Variants in RPTOR observed in about 807,000 individuals in gnomAD.
RPTOR encodes the protein regulatory-associated protein of mTOR.
Under a neutral mutation model 169.9 loss-of-function variants are expected in RPTOR, and 21 were observed. The ratio of observed to expected loss-of-function variants is 0.12; its 90% CI spans 0.09 to 0.18. The LOEUF (loss-of-function observed/expected upper bound fraction) is 0.18. Ranked by LOEUF, RPTOR falls within the 10% of genes least tolerant of loss-of-function variation. The probability of loss-of-function intolerance (pLI) is 1.00; values close to 1 mark genes in which losing one functional copy is unlikely to be tolerated. For missense variants in RPTOR, 1,133 were observed against 1,855.9 expected (o/e 0.61, Z 7.16); for synonymous variants, 732 against 753.2 (o/e 0.97, Z 0.46).
Position 80,960,895 on chromosome 17 carries a change from C to T in RPTOR, c.3606-499C>T, listed in dbSNP as rs1598427488. 6.0e-6 allele frequency: 1 copy of T among 166,398 alleles called. No individual in the cohort carries two copies. The allele number at this position is 166,398 out of a possible 1,614,324, so 10.3% of individuals were successfully genotyped here. On this transcript the variant is annotated intron_variant, in intron 30 of 33. Transcript: ENST00000306801. The surrounding 1 kb of genome is among the most constrained non-coding windows in gnomAD (Gnocchi z 4.8). Reference sequence around the variant, plus strand: ...AGGGGACAGTCCGTCTTGGCCCACACGGCTCATGCAGCAGAAGTAAATTTC... The same window carrying T: ...AGGGGACAGTCCGTCTTGGCCCACATGGCTCATGCAGCAGAAGTAAATTTC...
intron 4 of RPTOR, among the ~76,000 whole-genome samples, chr17:80,722,829 C>T (rs918894888): frequency 3.3e-5 from 5 of 151,252 alleles, no homozygotes; most frequent in African/African-American, 1.2e-4. Context: ...CACACACAGC[C>T]TCCTTGGTGC....
intron 4 of RPTOR, among the ~76,000 whole-genome samples, chr17:80,720,921 G>C (rs2143157894): frequency 6.6e-6 from 1 of 151,286 alleles, no homozygotes; most frequent in East Asian, 1.9e-4. Context: ...TGAGAGGCAA[G>C]CAGGATATTC....
chr17:80,642,926 T>C (rs1053660824), intron 2 of RPTOR, among the ~76,000 whole-genome samples: 3 of 152,244 alleles, frequency 2.0e-5, no homozygotes, highest in African/African-American at 7.2e-5. Context: ...TTCGCAAAAA[T>C]ATGCAAAAAT....
intron 7 of RPTOR, chr17:80,805,119 G>T (rs568167364): frequency 6.7e-6 from 1 of 149,310 alleles, no homozygotes; most frequent in Non-Finnish European, 1.5e-5. Flanking sequence ...AGGCTAGGAA[G>T]TGACTCTGGG....
chr17:80,731,616 G>A (rs1567880282), intron 5 of RPTOR, among the ~76,000 whole-genome samples: 1 of 152,188 alleles, frequency 6.6e-6, no homozygotes, highest in Non-Finnish European at 1.5e-5. Flanking sequence ...CGATTAAGAG[G>A]CCTCCATCTT....
At chr17:80,640,862 C>G (rs1271456417) in intron 2 of RPTOR, among the ~76,000 whole-genome samples, 1 of 152,178 alleles carries the variant, frequency 6.6e-6, no homozygotes, top group African/African-American at 2.4e-5. Flanking sequence ...CACCGCTGAC[C>G]GTCGTGATGC....
At chr17:80,914,283 G>A (rs1257230749) in intron 21 of RPTOR, among the ~76,000 whole-genome samples, 1 of 152,200 alleles carries the variant, frequency 6.6e-6, no homozygotes, top group Non-Finnish European at 1.5e-5. Context: ...TGCTCCCCAG[G>A]TGCAGCTACA....
chr17:80,581,583 ACAT>A (rs2065014450), intron 1 of RPTOR, among the ~76,000 whole-genome samples: 3 of 142,268 alleles, frequency 2.1e-5, no homozygotes. Flanking sequence ...TGGAGACCGC[ACAT>A]CGGGCCAGTG....
intron 21 of RPTOR, among the ~76,000 whole-genome samples, chr17:80,918,547 C>T (rs1420616443): frequency 1.4e-5 from 1 of 72,950 alleles, no homozygotes; most frequent in African/African-American, 4.8e-5. Flanking sequence ...TGAGCACCCT[C>T]ACGGGGGTCA....
intron 3 of RPTOR, among the ~76,000 whole-genome samples, chr17:80,706,388 ACCTGTGCCCGTTTT>A (rs775100431): frequency 5.7e-4 from 86 of 152,012 alleles, no homozygotes; most frequent in Non-Finnish European, 1.0e-3. Flanking sequence ...CGCATGACCC[ACCTGTGCCCGTTTT>A]CCAGCATCCT....
At chr17:80,623,085 A>C (rs2065367253) in intron 1 of RPTOR, among the ~76,000 whole-genome samples, 1 of 152,202 alleles carries the variant, frequency 6.6e-6, no homozygotes, top group African/African-American at 2.4e-5. Flanking sequence ...CATTCTGAAC[A>C]ATGAAACATT....
chr17:80,763,769 G>T (rs750257321), intron 6 of RPTOR, among the ~76,000 whole-genome samples: 1 of 152,220 alleles, frequency 6.6e-6, no homozygotes, highest in Non-Finnish European at 1.5e-5. Context: ...CAGACCACAC[G>T]CAATGAAGCT....
intron 1 of RPTOR, among the ~76,000 whole-genome samples, chr17:80,585,528 C>T (rs956540612): frequency 4.6e-5 from 7 of 152,152 alleles, no homozygotes; most frequent in Non-Finnish European, 1.0e-4. Context: ...TCCTCAGTGC[C>T]GTGGAGGCGC....
In RPTOR at chr17:80,752,393, C is replaced by T. The variant is rs151175132; in HGVS notation, c.655-1617C>T. ...CCGGAAGGGAGGCATTGCTTGTGCG[C>T]AGCTGCTGTGCCTCCCCCAGCTGAA... On this transcript the variant is annotated intron_variant, in intron 5 of 33. Transcript: ENST00000306801. 2.2e-4 allele frequency among the ~76,000 whole-genome samples: 34 copies of T among 152,382 alleles called. No individual in the cohort carries two copies. The East Asian group carries it at 5.6e-3, about 25-fold the overall frequency.
chr17:80,869,081 C>A (rs570665702), intron 13 of RPTOR, among the ~76,000 whole-genome samples: 1 of 152,344 alleles, frequency 6.6e-6, no homozygotes, highest in African/African-American at 2.4e-5. Context: ...GTCGCTTATA[C>A]ATCAATGAAG....
chr17:80,958,405 CTTTTTTTT>C (rs34955105), intron 29 of RPTOR, among the ~76,000 whole-genome samples: 8 of 83,664 alleles, frequency 9.6e-5, no homozygotes, highest in Non-Finnish European at 2.2e-5. Context: ...ATTTTTGTTT[CTTTTTTTT>C]TTTTTTTTTT....
At position 80,845,738 on chromosome 17, in the gene RPTOR, G is replaced by C. The variant is rs892294547; in HGVS notation, c.1213-735G>C. Reference sequence around the variant, plus strand: ...TCTCCAGCCACCACCTGTCTGTCTTGTTCCCCTTTGCAACCAAAACCAAAT... The same window carrying C: ...TCTCCAGCCACCACCTGTCTGTCTTCTTCCCCTTTGCAACCAAAACCAAAT... On this transcript the variant is annotated intron_variant, in intron 10 of 33. Transcript: ENST00000306801. The surrounding 1 kb of genome is among the most constrained non-coding windows in gnomAD (Gnocchi z 5.4). Among the ~76,000 whole-genome samples the C allele has an allele frequency of 6.6e-6, 1 of 152,190 alleles. No homozygotes were observed. The highest frequency in any genetic ancestry group is 2.1e-4 in the South Asian group (1 of 4,832).
At chr17:80,825,759 A>T (rs767390203) in intron 9 of RPTOR, among the ~76,000 whole-genome samples, 15 of 152,100 alleles carry the variant, frequency 9.9e-5, no homozygotes, top group Non-Finnish European at 1.8e-4. Flanking sequence ...GACCTCCCTG[A>T]GTGTGTCAGA....
At chr17:80,725,215 G>A (rs1004930717) in intron 4 of RPTOR, among the ~76,000 whole-genome samples, 2 of 152,170 alleles carry the variant, frequency 1.3e-5, no homozygotes, top group African/African-American at 4.8e-5. Context: ...GGGCTCTCCC[G>A]GCCATGGCTG....
Sources: gnomAD v4.1 joint callset for allele counts (sites outside exome capture counted in the v4.1 genomes callset) on GRCh38, gnomAD v4.1.1 for gene constraint, Gnocchi (gnomAD v3.1) non-coding constraint, MANE v1.5 for transcripts, NCBI Gene and HGNC (gene_info 2026-07-23, HGNC 2026-07-21) for gene names.